The following ADAM29 variants were observed in gnomAD, a reference collection of about 807,000 sequenced individuals.
ADAM29 encodes disintegrin and metalloproteinase domain-containing protein 29.
For synonymous variants in ADAM29, 367 were observed against 342.3 expected (o/e 1.07, Z -0.80); for missense variants, 969 against 1,001.8 (o/e 0.97, Z 0.44).
intron 4 of ADAM29, 85 bp downstream of exon 4, chr4:174,937,098 C>A (rs189292358): frequency 1.5e-4 from 23 of 151,852 alleles, no homozygotes; most frequent in African/African-American, 5.6e-4. Flanking sequence ...AAATAGATGC[C>A]GTGCTATACA....
In ADAM29 at chr4:174,976,017, C is replaced by T. The variant is rs199686982; in HGVS notation, c.492C>T (p.Ser164=). ...SEEKQFSTMR[S]GFMQNEITCR... Reference sequence around the variant, plus strand: ...AGAAACAATTTTCAACCATGAGATCCGGATTTATGCAAAATGAAATAACAT... The same window carrying T: ...AGAAACAATTTTCAACCATGAGATCTGGATTTATGCAAAATGAAATAACAT... The change falls in exon 5 of 5, where the codon TCC becomes TCT. Residue 164 remains serine, a synonymous_variant. Transcript: ENST00000359240. The T allele has an allele frequency of 8.7e-5, 141 of 1,612,964 alleles. No homozygotes were observed. In the Admixed American group the frequency reaches 1.2e-3, roughly 14 times the overall value.
chr4:174,929,536 G>A (rs987277716), intron 2 of ADAM29, among the ~76,000 whole-genome samples: 11 of 152,022 alleles, frequency 7.2e-5, no homozygotes, highest in African/African-American at 2.4e-4. Context: ...TTCCCGCCTC[G>A]CAGTTTGAAT....
chr4:174,953,285 A>G, intron 4 of ADAM29, among the ~76,000 whole-genome samples: 1 of 152,048 alleles, frequency 6.6e-6, no homozygotes, highest in East Asian at 1.9e-4. Context: ...GACTCTGTCT[A>G]AAAACAAAAA....
rs1235908971 is a variant in ADAM29, at chr4:174,976,925, G to A, written c.1400G>A (p.Trp467Ter). ...GTCAATGAATGTGATCTTCCAGAGT[G>A]GTGCAATGGTACTTCCCATAAGTGC... The part of the protein sequence containing the change: ...KEVNECDLPE[W>*]CNGTSHKCPD... The change falls in exon 5 of 5, where the codon TGG becomes TAG. Residue 467 changes from tryptophan to a stop codon, truncating the protein, a stop_gained. Transcript: ENST00000359240. LOFTEE classifies it low-confidence loss of function (END_TRUNC). The A allele has an allele frequency of 6.2e-7, 1 of 1,614,098 alleles. No homozygotes were observed. Among genetic ancestry groups the A allele is most frequent in the Non-Finnish European group, 8.5e-7 (1 of 1,180,004 alleles).
chr4:174,960,331 G>A (rs1257923470), intron 4 of ADAM29, among the ~76,000 whole-genome samples: 1 of 151,462 alleles, frequency 6.6e-6, no homozygotes, highest in East Asian at 1.9e-4. Flanking sequence ...CTATCATTAT[G>A]GATTATTTAG....
Position 174,977,739 on chromosome 4 carries a change from T to G in ADAM29, c.2214T>G (p.Pro738=), listed in dbSNP as rs1746946568. The G allele has an allele frequency of 6.2e-7, 1 of 1,604,324 alleles. No homozygotes were observed. Among genetic ancestry groups the G allele is most frequent in the Non-Finnish European group, 8.5e-7 (1 of 1,171,878 alleles). The change falls in exon 5 of 5, where the codon CCT becomes CCG. Residue 738 remains proline, a synonymous_variant. Coordinates refer to ENST00000359240, the MANE Select transcript of ADAM29 (RefSeq NM_014269.4). ...CCCAGAGTCAACCTTGGGTGATGCC[T>G]TCCCAGAGTCAACCTCCTGTGACGC... ...LPPQSQPWVM[P]SQSQPPVTPS...
chr4:174,977,248 C>A lies in ADAM29; in HGVS notation c.1723C>A (p.Arg575Ser), dbSNP rs1173714434. The A allele has an allele frequency of 3.1e-6, 5 of 1,613,810 alleles. No homozygotes were observed. Among genetic ancestry groups the A allele is most frequent in the Non-Finnish European group, 4.2e-6 (5 of 1,180,018 alleles). The change falls in exon 5 of 5, where the codon CGC becomes AGC. Residue 575 changes from arginine (R) to serine (S), a missense_variant. Transcript: ENST00000359240. ...TGATCATACTACTGTGCATTGGGCT[C>A]GCTTCAATGACATAATGTGCTGGAG... ...MSDHTTVHWARFNDIMCWSTD... is the reference protein window; with the variant it reads ...MSDHTTVHWASFNDIMCWSTD...
chr4:174,943,767 C>G (rs1744683134), intron 4 of ADAM29, among the ~76,000 whole-genome samples: 1 of 151,258 alleles, frequency 6.6e-6, no homozygotes. Flanking sequence ...CCAGAAGAGT[C>G]AACTTCTGAT....
intron 3 of ADAM29, among the ~76,000 whole-genome samples, chr4:174,931,798 CCA>C (rs1322396973): frequency 7.0e-6 from 1 of 142,808 alleles, no homozygotes; most frequent in African/African-American, 2.6e-5. Context: ...TAATTTATAC[CCA>C]GTCTCTCTCT....
intron 4 of ADAM29, among the ~76,000 whole-genome samples, chr4:174,961,065 C>G (rs980492018): frequency 6.6e-6 from 1 of 152,216 alleles, no homozygotes; most frequent in East Asian, 1.9e-4. Context: ...TCTGGCATGG[C>G]CTGTGGAATA....
chr4:174,956,269 T>G (rs1462797441), intron 4 of ADAM29, among the ~76,000 whole-genome samples: 1 of 152,034 alleles, frequency 6.6e-6, no homozygotes, highest in Non-Finnish European at 1.5e-5. Flanking sequence ...CTACAGTGAT[T>G]GTTCCTTCCT....
intron 4 of ADAM29, among the ~76,000 whole-genome samples, chr4:174,969,198 T>C (rs976478953): frequency 6.6e-6 from 1 of 151,532 alleles, no homozygotes; most frequent in Non-Finnish European, 1.5e-5. Flanking sequence ...CTTTAAGTTC[T>C]AGGGTACATG....
chr4:174,952,302 A>G (rs1435041685), intron 4 of ADAM29, among the ~76,000 whole-genome samples: 1 of 151,744 alleles, frequency 6.6e-6, no homozygotes, highest in Non-Finnish European at 1.5e-5. Context: ...CAAGTCACAC[A>G]TGTCTCTCCC....
intron 4 of ADAM29, among the ~76,000 whole-genome samples, chr4:174,939,378 A>T (rs1250323368): frequency 9.2e-5 from 14 of 152,230 alleles, no homozygotes. Context: ...AGAATAAGGA[A>T]TAGTCAAAGT....
Position 174,975,886 on chromosome 4 carries a change from G to C in ADAM29, c.361G>C (p.Gly121Arg). The change falls in exon 5 of 5, where the codon GGG becomes CGG. Residue 121 changes from glycine to arginine, a missense_variant. Coordinates refer to ENST00000359240, the MANE Select transcript of ADAM29 (RefSeq NM_014269.4). ...CCTGGTTTCCCTCAGTACCTGTTTT[G>C]GGGGTTTTCAAGGAATATTACAGAT... ...ESLVSLSTCFGGFQGILQIND... is the reference protein window; with the variant it reads ...ESLVSLSTCFRGFQGILQIND... The C allele has an allele frequency of 6.2e-7, 1 of 1,613,498 alleles. No homozygotes were observed. The highest frequency in any genetic ancestry group is 8.5e-7 in the Non-Finnish European group (1 of 1,179,842).
At chr4:174,919,975 C>T (rs943266457) in intron 1 of ADAM29, among the ~76,000 whole-genome samples, 2 of 152,186 alleles carry the variant, frequency 1.3e-5, no homozygotes, top group Non-Finnish European at 2.9e-5. Context: ...TACTGTATCA[C>T]TTAACCAAAT....
chr4:174,949,943 T>C (rs908434944), intron 4 of ADAM29, among the ~76,000 whole-genome samples: 2 of 152,112 alleles, frequency 1.3e-5, no homozygotes, highest in Non-Finnish European at 2.9e-5. Flanking sequence ...ATTTCCTACA[T>C]ATAAACCCCA....
chr4:174,966,598 A>T lies in ADAM29; in HGVS notation c.-180-8748A>T, dbSNP rs79070857. Among the ~76,000 whole-genome samples, 585 of 152,324 alleles carry T rather than the reference A, an allele frequency of 3.8e-3. 5 individuals are homozygous for T. The highest frequency in any genetic ancestry group is 0.017 in the Middle Eastern group (5 of 294). On this transcript the variant is annotated intron_variant, in intron 4 of 4. Transcript: ENST00000359240. ...AACCTAGCAAGGCAAATATCATTAA[A>T]TATTAACATGTTAATCCTGTCTGGT... is the stretch of plus-strand genomic sequence containing the variant.
At chr4:174,940,486 G>A (rs1159881787) in intron 4 of ADAM29, among the ~76,000 whole-genome samples, 1 of 152,028 alleles carries the variant, frequency 6.6e-6, no homozygotes, top group Non-Finnish European at 1.5e-5. Flanking sequence ...TATTTTTACA[G>A]CCTTTATCTG....
Sources: allele counts gnomAD v4.1 joint callset (sites outside exome capture counted in the v4.1 genomes callset), GRCh38; gene constraint gnomAD v4.1.1; transcripts MANE v1.5; gene names NCBI Gene and HGNC (gene_info 2026-07-23, HGNC 2026-07-21).